Variants in ASPG observed in about 807,000 individuals in gnomAD.
ASPG encodes the protein asparaginase.
ASPG carries 53 observed loss-of-function variants against 63.2 expected under a neutral mutation model. That is an observed-to-expected ratio of 0.84 (90% confidence interval 0.67 to 1.05). The LOEUF (loss-of-function observed/expected upper bound fraction) is 1.05, where lower values mean the gene tolerates loss of function less well. ASPG is among the 50% of genes least tolerant of loss of function. The probability of loss-of-function intolerance (pLI) is 0.00; values close to 1 mark genes in which losing one functional copy is unlikely to be tolerated. For synonymous variants in ASPG, 370 were observed against 355.0 expected (o/e 1.04, Z -0.48); for missense variants, 741 against 794.4 (o/e 0.93, Z 0.81).
chr14:104,113,657 G>A lies in ASPG; in HGVS notation c.*1113G>A, dbSNP rs2141070671. ...TGGAGCCCCAGGAGGGCAAAAGCATGACCCCAGAGCTGGCCCTTGGCACCT... is the reference window on the plus strand; with the variant it reads ...TGGAGCCCCAGGAGGGCAAAAGCATAACCCCAGAGCTGGCCCTTGGCACCT... On this transcript the variant is annotated 3_prime_UTR_variant, in exon 16 of 16. Coordinates refer to ENST00000551177, the MANE Select transcript of ASPG (RefSeq NM_001080464.3). 1 of 152,442 alleles carries A rather than the reference G, an allele frequency of 6.6e-6. No individual in the cohort carries two copies. Among genetic ancestry groups the A allele is most frequent in the East Asian group, 1.9e-4 (1 of 5,182 alleles). The allele number at this position is 152,442 out of a possible 1,614,324, so 9.4% of individuals were successfully genotyped here.
At chr14:104,088,348 G>T (rs536289229) in intron 1 of ASPG, among the ~76,000 whole-genome samples, 1 of 152,078 alleles carries the variant, frequency 6.6e-6, no homozygotes, top group African/African-American at 2.4e-5. Context: ...CAGTGGGGAC[G>T]CCCCTTGACC....
At chr14:104,106,058 C>G (rs953466234) in intron 10 of ASPG, among the ~76,000 whole-genome samples, 2 of 152,248 alleles carry the variant, frequency 1.3e-5, no homozygotes, top group Non-Finnish European at 2.9e-5. Flanking sequence ...TCGGTTTCCC[C>G]CTACAGGGAT....
At chr14:104,092,091 C>T (rs745960917) in intron 1 of ASPG, among the ~76,000 whole-genome samples, 8 of 151,998 alleles carry the variant, frequency 5.3e-5, no homozygotes, top group Non-Finnish European at 8.8e-5. Flanking sequence ...TCACACAGTC[C>T]GTGCCCTTTG....
rs1596055736 is a variant in ASPG at position 104,085,838 on chromosome 14, G to A, written c.68G>A (p.Arg23Gln). The A allele has an allele frequency of 3.8e-6, 6 of 1,589,156 alleles. No homozygotes were observed. The highest frequency in any genetic ancestry group is 4.3e-6 in the Non-Finnish European group (5 of 1,173,768). Residue 23 changes from arginine to glutamine, a missense_variant, in exon 1 of 16, where the codon CGG becomes CAG. Transcript: ENST00000551177. ...AVYTGGTIGMRSELGVLVPGT... is the reference protein window; with the variant it reads ...AVYTGGTIGMQSELGVLVPGT... ...TACACCGGCGGCACCATTGGCATGC[G>A]GAGTGAGCTCGGCGGTGAGTCCGAG...
chr14:104,093,413 C>T (rs760010009), intron 2 of ASPG, 78 bp from the exon 3 acceptor site: 85 of 1,293,658 alleles, frequency 6.6e-5, no homozygotes, highest in Middle Eastern at 5.5e-4. Flanking sequence ...GGGAACAGAG[C>T]GGGTCAGGGC....
rs2037444336 is a variant in ASPG, at chr14:104,115,103, C to T, written c.*2559C>T. 1 of 152,216 alleles carries T rather than the reference C, an allele frequency of 6.6e-6. No individual in the cohort carries two copies. Among genetic ancestry groups the T allele is most frequent in the Non-Finnish European group, 1.5e-5 (1 of 68,034 alleles). 9.4% of individuals were successfully genotyped at this position (152,216 alleles called of 1,614,324 possible). On this transcript the variant is annotated 3_prime_UTR_variant, in exon 16 of 16. Transcript: ENST00000551177. ...CAGGGCTATCTCTGGGGAACATCTCCTCTCCATCACGACTACTGTCTTTTT... is the reference window on the plus strand; with the variant it reads ...CAGGGCTATCTCTGGGGAACATCTCTTCTCCATCACGACTACTGTCTTTTT...
chr14:104,110,904 C>T lies in ASPG; in HGVS notation c.1521-598C>T, dbSNP rs1185047612. The T allele has an allele frequency of 5.1e-6, 5 of 985,394 alleles. No individual in the cohort carries two copies. The highest frequency in any genetic ancestry group is 6.0e-6 in the Non-Finnish European group (5 of 829,890). 61.0% of individuals were successfully genotyped at this position (985,394 alleles called of 1,614,324 possible). On this transcript the variant is annotated intron_variant, in intron 13 of 15. Transcript: ENST00000551177. The surrounding 1 kb of genome is among the most constrained non-coding windows in gnomAD (Gnocchi z 4.7). Reference sequence around the variant, plus strand: ...AGGGCCTGGCAGGTGCTCCCCACTCCAGGGCAGGTGGGCCCAGACCCCTGT... The same window carrying T: ...AGGGCCTGGCAGGTGCTCCCCACTCTAGGGCAGGTGGGCCCAGACCCCTGT...
intron 5 of ASPG, among the ~76,000 whole-genome samples, chr14:104,097,852 GCATATGGAGGTTCTACGTTAGAGATA>G (rs1566829996): frequency 0.031 from 4,241 of 135,188 alleles, 544 homozygotes; most frequent in South Asian, 0.042. Context: ...CGTTAGAGAT[GCATATGGAGGTTCTACGTTAGAGATA>G]CGTATGGAGG....
rs2037358871 is a variant in ASPG, at chr14:104,110,960, G to A, written c.1521-542G>A. 8 of 985,364 alleles carry A rather than the reference G, an allele frequency of 8.1e-6. No individual in the cohort carries two copies. Among genetic ancestry groups the A allele is most frequent in the Non-Finnish European group, 8.4e-6 (7 of 829,898 alleles). The allele number at this position is 985,364 out of a possible 1,614,324, so 61.0% of individuals were successfully genotyped here. A position where few individuals can be genotyped will look rare whatever the true frequency, so the allele number is the denominator to read the frequency against. ...CCAGGACCCCCCCATGCAGTCTGCC[G>A]GGGTCCAGGGCCAACCGTTATCCTG... On this transcript the variant is annotated intron_variant, in intron 13 of 15. Transcript: ENST00000551177. The surrounding 1 kb of genome is among the most constrained non-coding windows in gnomAD (Gnocchi z 4.7).
At chr14:104,096,701 T>C (rs1192649435) in intron 4 of ASPG, among the ~76,000 whole-genome samples, 1 of 152,212 alleles carries the variant, frequency 6.6e-6, no homozygotes, top group African/African-American at 2.4e-5. Flanking sequence ...CACTCTGATG[T>C]TGGCCTGTGC....
At position 104,112,873 on chromosome 14, in the gene ASPG, C is replaced by G. The variant is rs1771010; in HGVS notation, c.*329C>G. The G allele has an allele frequency of 0.97, 394,908 of 406,462 alleles. 192,854 individuals are homozygous for G. Among genetic ancestry groups the G allele is most frequent in the East Asian group, 1 (19,512 of 19,512 alleles). The allele number at this position is 406,462 out of a possible 1,614,324, so 25.2% of individuals were successfully genotyped here. ...AGCTGGGCAGGGTGGGGTGCATGGA[C>G]GTGACTTGGCCAAGTGGTCCTTTCC... On this transcript the variant is annotated 3_prime_UTR_variant, in exon 16 of 16. Transcript: ENST00000551177.
intron 4 of ASPG, 82 bp from the exon 5 acceptor site, chr14:104,097,463 CTGGGCCTGG>C: frequency 7.7e-7 from 1 of 1,294,632 alleles, no homozygotes; most frequent in Non-Finnish European, 1.1e-6. Flanking sequence ...GGCTCCTGGG[CTGGGCCTGG>C]GGGTTTACCT....
At chr14:104,108,703 C>T (rs1596109773) in intron 12 of ASPG, 1 of 985,260 alleles carries the variant, frequency 1.0e-6, no homozygotes, top group Admixed American at 6.1e-5. Context: ...CCCCCACAGA[C>T]TCCACTGTCC....
chr14:104,090,274 G>A (rs1484761828), intron 1 of ASPG, among the ~76,000 whole-genome samples: 1 of 152,230 alleles, frequency 6.6e-6, no homozygotes, highest in Non-Finnish European at 1.5e-5. Flanking sequence ...TCTGGAAGCT[G>A]TTCCCCCACA....
In ASPG at chr14:104,110,268, G is replaced by T. The variant is rs1445366824; in HGVS notation, c.1520+953G>T. 8.1e-6 allele frequency: 8 copies of T among 985,076 alleles called. No individual in the cohort carries two copies. The highest frequency in any genetic ancestry group is 9.6e-6 in the Non-Finnish European group (8 of 829,784). 61.0% of individuals were successfully genotyped at this position (985,076 alleles called of 1,614,324 possible). A position where few individuals can be genotyped will look rare whatever the true frequency, so the allele number is the denominator to read the frequency against. ...TGGCGGGGGCTCGGCTCACTGGCTGGGAGGGGGTGGGTGCAGGCGCCTGCC... is the reference window on the plus strand; with the variant it reads ...TGGCGGGGGCTCGGCTCACTGGCTGTGAGGGGGTGGGTGCAGGCGCCTGCC... On this transcript the variant is annotated intron_variant, in intron 13 of 15. Transcript: ENST00000551177. This position sits in a 1 kb window ranked among gnomAD's most constrained non-coding sequence, Gnocchi z 4.7.
In ASPG at chr14:104,108,796, C is replaced by A. The variant is rs1002484737; in HGVS notation, c.1434-433C>A. 4.1e-6 allele frequency: 4 copies of A among 985,286 alleles called. No individual in the cohort carries two copies. In the African/African-American group the frequency reaches 5.2e-5, roughly 13 times the overall value. 61.0% of individuals were successfully genotyped at this position (985,286 alleles called of 1,614,324 possible). On this transcript the variant is annotated intron_variant, in intron 12 of 15. Transcript: ENST00000551177. Reference sequence around the variant, plus strand: ...CTGCGCCTGGCTGAGGAGGTCACCACGGGGTGTGATCAGCGTTTGGGTGTG... The same window carrying A: ...CTGCGCCTGGCTGAGGAGGTCACCAAGGGGTGTGATCAGCGTTTGGGTGTG...
Position 104,110,166 on chromosome 14 carries a change from G to A in ASPG, c.1520+851G>A. ...GAGACCTGGGCCGGGTGCAGGTGGT[G>A]GCTGGGGTGGGGGTGCTGTGAGTGG... On this transcript the variant is annotated intron_variant, in intron 13 of 15. Coordinates refer to ENST00000551177, the MANE Select transcript of ASPG (RefSeq NM_001080464.3). The surrounding 1 kb of genome is among the most constrained non-coding windows in gnomAD (Gnocchi z 4.7). The A allele has an allele frequency of 3.0e-6, 3 of 985,320 alleles. No individual in the cohort carries two copies. Among genetic ancestry groups the A allele is most frequent in the Non-Finnish European group, 3.6e-6 (3 of 829,900 alleles). 61.0% of individuals were successfully genotyped at this position (985,320 alleles called of 1,614,324 possible).
At position 104,105,459 on chromosome 14, in the gene ASPG, G is replaced by A. The variant is rs761034951; in HGVS notation, c.1173+9G>A. On this transcript the variant is annotated intron_variant, in intron 10 of 15. Transcript: ENST00000551177. ...GTCTGAGCGGCAGCCAGGTAATGGC[G>A]TGGGACACGGGCCTGAGTGGCAGCT... 110 of 1,569,954 alleles carry A rather than the reference G, an allele frequency of 7.0e-5. No homozygotes were observed. The highest frequency in any genetic ancestry group is 1.7e-4 in the Middle Eastern group (1 of 5,768).
In ASPG at chr14:104,109,931, T is replaced by C; in HGVS notation, c.1520+616T>C. 1.0e-6 allele frequency: 1 copy of C among 984,178 alleles called. No homozygotes were observed. The highest frequency in any genetic ancestry group is 1.2e-6 in the Non-Finnish European group (1 of 828,998). 61.0% of individuals were successfully genotyped at this position (984,178 alleles called of 1,614,324 possible). ...GACATCATGTTGTTGTTGGGGAGAC[T>C]GAGGCGCAGGGAGGCCTTCGGCGAG... On this transcript the variant is annotated intron_variant, in intron 13 of 15. Transcript: ENST00000551177. The surrounding 1 kb of genome is among the most constrained non-coding windows in gnomAD (Gnocchi z 4.8).
Sources: gnomAD v4.1 joint callset for allele counts (sites outside exome capture counted in the v4.1 genomes callset) on GRCh38, gnomAD v4.1.1 for gene constraint, Gnocchi (gnomAD v3.1) non-coding constraint, MANE v1.5 for transcripts, NCBI Gene and HGNC (gene_info 2026-07-23, HGNC 2026-07-21) for gene names.